The following PCDHA1 variants were observed in gnomAD, a reference collection of about 807,000 sequenced individuals.
PCDHA1 encodes the protein protocadherin alpha-1.
Under a neutral mutation model 61.3 loss-of-function variants are expected in PCDHA1, and 42 were observed. The observed-to-expected ratio is 0.69, with a 90% CI of 0.54 to 0.89. The LOEUF (loss-of-function observed/expected upper bound fraction) is 0.89, where lower values mean the gene tolerates loss of function less well. PCDHA1 is among the 40% of genes least tolerant of loss of function. The pLI is 0.00. For missense variants in PCDHA1, 1,256 were observed against 1,235.3 expected (o/e 1.02, Z -0.25); for synonymous variants, 610 against 553.8 (o/e 1.10, Z -1.43).
At chr5:140,977,513 A>G (rs1378316611) in intron 1 of PCDHA1, among the ~76,000 whole-genome samples, 2 of 152,236 alleles carry the variant, frequency 1.3e-5, no homozygotes, top group African/African-American at 4.8e-5. Context: ...GCATTTTGTG[A>G]ACTTGAAAAC....
chr5:140,841,402 G>A (rs2150314669), intron 1 of PCDHA1: 15 of 1,613,154 alleles, frequency 9.3e-6, no homozygotes, highest in Non-Finnish European at 1.3e-5. Flanking sequence ...GGAAGGTGGG[G>A]AGCGGCCAGC....
At chr5:140,895,829 C>T (rs2065183021) in intron 1 of PCDHA1, among the ~76,000 whole-genome samples, 1 of 151,878 alleles carries the variant, frequency 6.6e-6, no homozygotes, top group African/African-American at 2.4e-5. Context: ...GTATTTTTTT[C>T]AGACAAAGTC....
At chr5:140,834,576 C>T in intron 1 of PCDHA1, 2 of 1,614,098 alleles carry the variant, frequency 1.2e-6, no homozygotes, top group Non-Finnish European at 8.5e-7. Context: ...GCGCCTGTTC[C>T]GGGCGGTGTG....
intron 1 of PCDHA1, among the ~76,000 whole-genome samples, chr5:140,898,180 G>T (rs1216288813): frequency 6.6e-6 from 1 of 152,128 alleles, no homozygotes; most frequent in Non-Finnish European, 1.5e-5. Context: ...CTGTGCAGAA[G>T]CTCTTTAGTT....
chr5:140,962,269 T>A (rs1554225906), intron 1 of PCDHA1, among the ~76,000 whole-genome samples: 1 of 152,194 alleles, frequency 6.6e-6, no homozygotes, highest in Non-Finnish European at 1.5e-5. Flanking sequence ...TTTTATAATT[T>A]AAAAAACCTC....
intron 1 of PCDHA1, chr5:140,822,231 G>T (rs1328345342): frequency 5.0e-6 from 8 of 1,614,118 alleles, no homozygotes; most frequent in Middle Eastern, 1.6e-4. Flanking sequence ...CGCGGTTTCC[G>T]CTAGAGGGCG....
rs782554104 is a variant in PCDHA1, at chr5:140,809,508, C to T, written c.2394+20824C>T. The T allele has an allele frequency of 3.7e-6, 6 of 1,614,204 alleles. No individual in the cohort carries two copies. The East Asian group carries it at 1.1e-4, about 30-fold the overall frequency. Reference sequence around the variant, plus strand: ...AAGACCGACCTCATGGCCTTCAGCCCCAGTTTACCTGACTCTAGGGACAGA... The same window carrying T: ...AAGACCGACCTCATGGCCTTCAGCCTCAGTTTACCTGACTCTAGGGACAGA... On this transcript the variant is annotated intron_variant, in intron 1 of 3. Coordinates refer to ENST00000504120, the MANE Select transcript of PCDHA1 (RefSeq NM_018900.4).
chr5:140,898,228 C>T (rs1302111875), intron 1 of PCDHA1, among the ~76,000 whole-genome samples: 1 of 152,118 alleles, frequency 6.6e-6, no homozygotes, highest in Non-Finnish European at 1.5e-5. Flanking sequence ...CTTTTGTTGC[C>T]ATTGCTTTTG....
chr5:140,836,660 C>T (rs2150267117), intron 1 of PCDHA1: 1 of 1,613,436 alleles, frequency 6.2e-7, no homozygotes, highest in Non-Finnish European at 8.5e-7. Flanking sequence ...AGAGGGTGTG[C>T]TCTGGGGAGG....
intron 3 of PCDHA1, among the ~76,000 whole-genome samples, chr5:141,006,369 G>A (rs2098270445): frequency 1.3e-5 from 2 of 151,784 alleles, no homozygotes; most frequent in Admixed American, 6.6e-5. Context: ...CCACCACCAC[G>A]CCCGGCTAAG....
chr5:140,864,851 A>G (rs1554159167), intron 1 of PCDHA1: 1 of 152,190 alleles, frequency 6.6e-6, no homozygotes, highest in Non-Finnish European at 1.5e-5. Context: ...CTTCCCATAC[A>G]TGATGAAGGG....
Position 140,803,287 on chromosome 5 carries a change from A to G in PCDHA1, c.2394+14603A>G. ...CCGGAAGCTGCACTGGTGGATGTCA[A>G]CGTGTACTTGATCGTCGCCATCTGC... On this transcript the variant is annotated intron_variant, in intron 1 of 3. Coordinates refer to ENST00000504120, the MANE Select transcript of PCDHA1 (RefSeq NM_018900.4). The G allele has an allele frequency of 3.7e-6, 6 of 1,614,074 alleles. No individual in the cohort carries two copies. In the South Asian group the frequency reaches 6.6e-5, roughly 18 times the overall value.
chr5:140,972,294 C>T (rs944183626), intron 1 of PCDHA1, among the ~76,000 whole-genome samples: 14 of 151,458 alleles, frequency 9.2e-5, no homozygotes, highest in South Asian at 2.1e-4. Context: ...TGTGCGCCAC[C>T]GTGTCTGACT....
At chr5:140,972,514 A>G (rs2096539827) in intron 1 of PCDHA1, among the ~76,000 whole-genome samples, 1 of 152,260 alleles carries the variant, frequency 6.6e-6, no homozygotes, top group Admixed American at 6.5e-5. Context: ...TTTTACCCCC[A>G]GTGAGCTTAT....
At position 140,851,264 on chromosome 5, in the gene PCDHA1, A is replaced by G. The variant is rs1170850164; in HGVS notation, c.2394+62580A>G. The G allele has an allele frequency of 2.1e-5, 23 of 1,075,328 alleles. 1 individual carries two copies. The highest frequency in any genetic ancestry group is 4.3e-5 in the East Asian group (1 of 23,212). 66.6% of individuals were successfully genotyped at this position (1,075,328 alleles called of 1,614,324 possible). ...TAAATGATGCATAGTATTTTAGTCT[A>G]CTTGTATTGTTTATAAGAAACCCAA... On this transcript the variant is annotated intron_variant, in intron 1 of 3. Coordinates refer to ENST00000504120, the MANE Select transcript of PCDHA1 (RefSeq NM_018900.4).
Position 140,843,367 on chromosome 5 carries a change from G to A in PCDHA1, c.2394+54683G>A, listed in dbSNP as rs2150358389. The stretch of plus-strand genomic sequence containing the variant: ...AGGCTCCAAAAGCGTCATCGAGGCA[G>A]TCGGCTGGCGTTTTGGGTCCGGAAG... On this transcript the variant is annotated intron_variant, in intron 1 of 3. Coordinates refer to ENST00000504120, the MANE Select transcript of PCDHA1 (RefSeq NM_018900.4). 3 of 1,596,142 alleles carry A rather than the reference G, an allele frequency of 1.9e-6. No homozygotes were observed. In the East Asian group the frequency reaches 6.7e-5, roughly 36 times the overall value.
At chr5:140,832,011 C>T (rs2150198992) in intron 1 of PCDHA1, among the ~76,000 whole-genome samples, 7 of 152,126 alleles carry the variant, frequency 4.6e-5, no homozygotes, top group South Asian at 2.1e-4. Flanking sequence ...TTTCATTTTA[C>T]GTAAAGATTG....
At chr5:140,918,348 G>A (rs1184826451) in intron 1 of PCDHA1, among the ~76,000 whole-genome samples, 1 of 152,138 alleles carries the variant, frequency 6.6e-6, no homozygotes, top group Non-Finnish European at 1.5e-5. Context: ...GAGATAGGTT[G>A]ACTTCCTCTC....
chr5:140,863,388 C>A (rs2047990567), intron 1 of PCDHA1: 2 of 1,000,024 alleles, frequency 2.0e-6, no homozygotes, highest in African/African-American at 1.6e-5. Context: ...AGAGCTCGTG[C>A]ATGCCGGGCA....
Sources: gnomAD v4.1 joint callset for allele counts (sites outside exome capture counted in the v4.1 genomes callset) on GRCh38, gnomAD v4.1.1 for gene constraint, MANE v1.5 for transcripts, NCBI Gene and HGNC (gene_info 2026-07-23, HGNC 2026-07-21) for gene names.